Variants in EYS observed in about 807,000 individuals in gnomAD.
EYS encodes EGF-like photoreceptor maintenance factor, also known as protein eyes shut homolog.
EYS carries 250 observed loss-of-function variants against 282.1 expected under a neutral mutation model. The ratio of observed to expected loss-of-function variants is 0.89; its 90% CI spans 0.80 to 0.98. EYS has a LOEUF of 0.98. EYS is among the 50% of genes least tolerant of loss of function. The pLI is 0.00. For missense variants in EYS, 4,016 were observed against 3,709.0 expected (o/e 1.08, Z -2.15); for synonymous variants, 1,355 against 1,282.9 (o/e 1.06, Z -1.20).
At chr6:64,500,834 G>A (rs1167296741) in intron 26 of EYS, among the ~76,000 whole-genome samples, 1 of 151,868 alleles carries the variant, frequency 6.6e-6, no homozygotes, top group Non-Finnish European at 1.5e-5. Flanking sequence ...CAAGATGATG[G>A]GACTAAATTG....
chr6:65,320,488 C>T (rs1562094802), intron 11 of EYS, among the ~76,000 whole-genome samples: 1 of 152,110 alleles, frequency 6.6e-6, no homozygotes, highest in African/African-American at 2.4e-5. Flanking sequence ...TGGAGTTCCT[C>T]CTATTAACTT....
At chr6:64,155,092 C>T (rs1044863071) in intron 31 of EYS, among the ~76,000 whole-genome samples, 2 of 152,136 alleles carry the variant, frequency 1.3e-5, no homozygotes, top group Non-Finnish European at 2.9e-5. Context: ...GGAGAATGGG[C>T]ATCTGCATGC....
intron 2 of EYS, among the ~76,000 whole-genome samples, chr6:65,582,132 G>T (rs1015863081): frequency 6.6e-6 from 1 of 151,644 alleles, no homozygotes; most frequent in Non-Finnish European, 1.5e-5. Context: ...GGAGGCGGAG[G>T]TTGCAATGAA....
intron 12 of EYS, among the ~76,000 whole-genome samples, chr6:65,133,547 G>T (rs901696255): frequency 6.6e-6 from 1 of 152,110 alleles, no homozygotes; most frequent in South Asian, 2.1e-4. Flanking sequence ...CAATAATTTT[G>T]CTGGGATAAC....
chr6:64,509,140 A>G (rs1005322903), intron 26 of EYS, among the ~76,000 whole-genome samples: 1 of 152,176 alleles, frequency 6.6e-6, no homozygotes, highest in African/African-American at 2.4e-5. Flanking sequence ...CAATTTTACA[A>G]ACACAGAGCT....
chr6:64,879,000 A>G (rs1766835742), intron 19 of EYS, among the ~76,000 whole-genome samples: 1 of 152,160 alleles, frequency 6.6e-6, no homozygotes, highest in Non-Finnish European at 1.5e-5. Flanking sequence ...TGTTTGCATT[A>G]TAGAATTTCA....
Position 64,566,126 on chromosome 6 carries a change from T to C in EYS, c.5644+24097A>G, listed in dbSNP as rs1765560950. On this transcript the variant is annotated intron_variant, in intron 26 of 42. Coordinates refer to ENST00000503581, the MANE Select transcript of EYS (RefSeq NM_001142800.2). ...TTTCAAGCTATAGGTGGCTTTTCAT[T>C]ATGATATTCTATATAAGGAGGAAAG... Among the ~76,000 whole-genome samples, 4 of 152,144 alleles carry C rather than the reference T, an allele frequency of 2.6e-5. No homozygotes were observed. The South Asian group carries it at 8.3e-4, about 31-fold the overall frequency.
chr6:65,243,841 C>G (rs889045623), intron 12 of EYS, among the ~76,000 whole-genome samples: 1 of 152,104 alleles, frequency 6.6e-6, no homozygotes, highest in Non-Finnish European at 1.5e-5. Flanking sequence ...TCCAAGAGTT[C>G]GAGGCTGCTG....
chr6:65,332,942 T>C (rs1486776899), intron 11 of EYS, among the ~76,000 whole-genome samples: 1 of 151,372 alleles, frequency 6.6e-6, no homozygotes, highest in Non-Finnish European at 1.5e-5. Context: ...TCTTTATAAT[T>C]ATTTTTCTTT....
At chr6:64,139,778 G>T (rs527329411) in intron 31 of EYS, among the ~76,000 whole-genome samples, 58 of 152,120 alleles carry the variant, frequency 3.8e-4, no homozygotes, top group South Asian at 2.5e-3. Context: ...AGACCAGCCT[G>T]GCCAAGATGG....
chr6:65,601,524 G>T (rs1028265332), intron 2 of EYS, among the ~76,000 whole-genome samples: 43 of 151,756 alleles, frequency 2.8e-4, no homozygotes, highest in African/African-American at 1.0e-3. Flanking sequence ...TCGATAATAA[G>T]AAATGGGTCC....
At chr6:64,549,991 GT>G (rs1456845928) in intron 26 of EYS, among the ~76,000 whole-genome samples, 1 of 151,998 alleles carries the variant, frequency 6.6e-6, no homozygotes, top group East Asian at 1.9e-4. Flanking sequence ...GCGGTGTTTG[GT>G]TTTTTGTCCT....
At chr6:65,611,970 C>T (rs917081454) in intron 2 of EYS, among the ~76,000 whole-genome samples, 2 of 151,812 alleles carry the variant, frequency 1.3e-5, no homozygotes, top group Non-Finnish European at 2.9e-5. Context: ...CAAAATTTAT[C>T]TAGTAATATA....
intron 41 of EYS, among the ~76,000 whole-genome samples, chr6:63,738,421 G>A (rs1040681853): frequency 2.1e-4 from 32 of 152,034 alleles, no homozygotes; most frequent in African/African-American, 7.2e-4. Flanking sequence ...AAAATGATGA[G>A]TTCATGTCCT....
Position 64,670,402 on chromosome 6 carries a change from A to T in EYS, c.3444-44157T>A, listed in dbSNP as rs917798489. On this transcript the variant is annotated intron_variant, in intron 22 of 42. Coordinates refer to ENST00000503581, the MANE Select transcript of EYS (RefSeq NM_001142800.2). ...TTACTTTAACAATATGAAGTGGCCCAAAATAAATAAATAAATAAATAAATA... is the reference window on the plus strand; with the variant it reads ...TTACTTTAACAATATGAAGTGGCCCTAAATAAATAAATAAATAAATAAATA... Among the ~76,000 whole-genome samples, 5 of 145,524 alleles carry T rather than the reference A, an allele frequency of 3.4e-5. No individual in the cohort carries two copies. The East Asian group carries it at 1.0e-3, about 30-fold the overall frequency.
chr6:65,553,377 A>G (rs1768670876), intron 2 of EYS, among the ~76,000 whole-genome samples: 1 of 152,172 alleles, frequency 6.6e-6, no homozygotes. Context: ...AGGAAAATGT[A>G]AAACTGTAGA....
chr6:64,950,754 C>T (rs1583323315), intron 14 of EYS, among the ~76,000 whole-genome samples: 1 of 118,286 alleles, frequency 8.5e-6, no homozygotes, highest in South Asian at 2.6e-4. Context: ...TTATCAAAAA[C>T]AAATGTAGAA....
At chr6:65,065,207 A>G (rs1773708444) in intron 12 of EYS, among the ~76,000 whole-genome samples, 1 of 152,132 alleles carries the variant, frequency 6.6e-6, no homozygotes, top group Non-Finnish European at 1.5e-5. Flanking sequence ...TAAAATCATC[A>G]CAGGACCTGT....
intron 30 of EYS, among the ~76,000 whole-genome samples, chr6:64,265,442 A>G (rs1582507453): frequency 6.6e-6 from 1 of 152,174 alleles, no homozygotes; most frequent in Non-Finnish European, 1.5e-5. Context: ...ATGCTAAATT[A>G]TCTTGACTTT....
Sources: gnomAD v4.1 joint callset for allele counts (sites outside exome capture counted in the v4.1 genomes callset) on GRCh38, gnomAD v4.1.1 for gene constraint, MANE v1.5 for transcripts, NCBI Gene and HGNC (gene_info 2026-07-23, HGNC 2026-07-21) for gene names.